The following DSCAM variants were observed in gnomAD, a reference collection of about 807,000 sequenced individuals.
DSCAM encodes the protein cell adhesion molecule DSCAM.
In DSCAM, 47 loss-of-function variants were observed where a neutral mutation model predicts 217.7. That is an observed-to-expected ratio of 0.22 (90% CI 0.17 to 0.28). The LOEUF (loss-of-function observed/expected upper bound fraction) is 0.28. DSCAM is among the 10% of genes least tolerant of loss of function. The probability of loss-of-function intolerance (pLI) is 1.00; values close to 1 mark genes in which losing one functional copy is unlikely to be tolerated. For missense variants in DSCAM, 2,080 were observed against 2,618.3 expected (o/e 0.79, Z 4.49); for synonymous variants, 1,056 against 1,015.3 (o/e 1.04, Z -0.76).
intron 9 of DSCAM, among the ~76,000 whole-genome samples, chr21:40,310,641 G>A (rs2074127500): frequency 1.3e-5 from 2 of 152,152 alleles, no homozygotes; most frequent in African/African-American, 2.4e-5. Context: ...AAGCATCCCC[G>A]TACATTTTTA....
chr21:40,055,376 G>A (rs1338557318), intron 29 of DSCAM, among the ~76,000 whole-genome samples: 1 of 152,174 alleles, frequency 6.6e-6, no homozygotes, highest in East Asian at 1.9e-4. Flanking sequence ...TTAGAGTGCA[G>A]GCCTTCTGGA....
chr21:40,608,144 C>G (rs972843447), intron 3 of DSCAM, among the ~76,000 whole-genome samples: 2 of 152,098 alleles, frequency 1.3e-5, no homozygotes, highest in Non-Finnish European at 2.9e-5. Flanking sequence ...ATACATAATC[C>G]TCATGAATTC....
In DSCAM at chr21:40,016,382, T is replaced by C. The variant is rs1244171653; in HGVS notation, c.5687-2996A>G. Among the ~76,000 whole-genome samples the C allele has an allele frequency of 1.3e-5, 2 of 152,146 alleles. No homozygotes were observed. Among genetic ancestry groups the C allele is most frequent in the African/African-American group, 4.8e-5 (2 of 41,430 alleles). On this transcript the variant is annotated intron_variant, in intron 32 of 32. Transcript: ENST00000400454. The surrounding 1 kb of genome is among the most constrained non-coding windows in gnomAD (Gnocchi z 4.3). The stretch of plus-strand genomic sequence containing the variant: ...AGGGTGTATAGGGGAAAGATCGTAC[T>C]TTGATGACAAAAGATGAAGGGTTTA...
chr21:40,272,859 T>G (rs766443728), intron 11 of DSCAM, among the ~76,000 whole-genome samples: 1 of 152,192 alleles, frequency 6.6e-6, no homozygotes, highest in African/African-American at 2.4e-5. Context: ...AACTCTCCTT[T>G]ATATCTATTT....
intron 19 of DSCAM, among the ~76,000 whole-genome samples, chr21:40,132,117 T>C (rs947414427): frequency 6.6e-6 from 1 of 152,180 alleles, no homozygotes; most frequent in African/African-American, 2.4e-5. Flanking sequence ...TGCCTAGCAA[T>C]GTAAAAAGGA....
chr21:40,739,650 C>G (rs2091101883), intron 1 of DSCAM, among the ~76,000 whole-genome samples: 1 of 152,162 alleles, frequency 6.6e-6, no homozygotes, highest in African/African-American at 2.4e-5. Context: ...ATCTCCAAAT[C>G]CAGTCACATC....
At chr21:40,657,218 G>C (rs916671508) in intron 3 of DSCAM, among the ~76,000 whole-genome samples, 2 of 152,128 alleles carry the variant, frequency 1.3e-5, no homozygotes, top group African/African-American at 4.8e-5. Context: ...ACATGACCTT[G>C]TGTGTGTTGA....
chr21:40,043,298 G>A (rs558210105), intron 31 of DSCAM, among the ~76,000 whole-genome samples: 8 of 152,260 alleles, frequency 5.3e-5, no homozygotes, highest in Middle Eastern at 3.4e-3. Flanking sequence ...AGATGTCTGC[G>A]TTTCAAATGC....
intron 3 of DSCAM, among the ~76,000 whole-genome samples, chr21:40,406,922 T>C (rs2075284249): frequency 6.6e-6 from 1 of 152,004 alleles, no homozygotes; most frequent in African/African-American, 2.4e-5. Flanking sequence ...CCCAGCCTCA[T>C]AGGTAGAATC....
intron 3 of DSCAM, among the ~76,000 whole-genome samples, chr21:40,555,608 T>G (rs1268333493): frequency 6.6e-6 from 1 of 152,150 alleles, no homozygotes; most frequent in Non-Finnish European, 1.5e-5. Context: ...GAACATTTTG[T>G]CAAATTTCAA....
At chr21:40,083,769 A>C in intron 24 of DSCAM, 139 bp downstream of exon 24, 1 of 533,006 alleles carries the variant, frequency 1.9e-6, no homozygotes, top group Non-Finnish European at 3.3e-6. Context: ...TTTCTTAGGT[A>C]ATGGAGGGAT....
intron 27 of DSCAM, among the ~76,000 whole-genome samples, chr21:40,071,598 T>A (rs1035739505): frequency 5.3e-5 from 8 of 152,250 alleles, no homozygotes; most frequent in Non-Finnish European, 1.0e-4. Context: ...GGGATCCCTA[T>A]AATATTTTTC....
At chr21:40,415,213 G>A (rs894665096) in intron 3 of DSCAM, among the ~76,000 whole-genome samples, 4 of 152,100 alleles carry the variant, frequency 2.6e-5, no homozygotes, top group African/African-American at 9.7e-5. Context: ...TTTAAATGTA[G>A]GATACATGAT....
intron 11 of DSCAM, among the ~76,000 whole-genome samples, chr21:40,226,114 C>A (rs546435821): frequency 2.6e-5 from 4 of 152,152 alleles, no homozygotes; most frequent in Non-Finnish European, 5.9e-5. Context: ...ATTGGAGAAA[C>A]TAAGGCTGGA....
intron 4 of DSCAM, among the ~76,000 whole-genome samples, chr21:40,359,503 T>C (rs1228949486): frequency 1.3e-5 from 2 of 152,238 alleles, no homozygotes; most frequent in Non-Finnish European, 2.9e-5. Flanking sequence ...GAAAACATGT[T>C]CACTCAAAGA....
chr21:40,562,096 G>A (rs2146186938), intron 3 of DSCAM, among the ~76,000 whole-genome samples: 1 of 152,230 alleles, frequency 6.6e-6, no homozygotes, highest in South Asian at 2.1e-4. Flanking sequence ...TTCTGTGTCT[G>A]CTCAACTAAC....
intron 11 of DSCAM, among the ~76,000 whole-genome samples, chr21:40,223,598 T>C (rs1174531524): frequency 1.3e-5 from 2 of 152,198 alleles, no homozygotes; most frequent in Non-Finnish European, 2.9e-5. Context: ...GAAACACACA[T>C]GCTCAGACAC....
At chr21:40,640,922 G>A (rs1005664428) in intron 3 of DSCAM, among the ~76,000 whole-genome samples, 4 of 152,168 alleles carry the variant, frequency 2.6e-5, no homozygotes, top group Admixed American at 6.5e-5. Flanking sequence ...GTTTTACACA[G>A]TACGTGAAAG....
At chr21:40,651,586 A>C (rs575975110) in intron 3 of DSCAM, among the ~76,000 whole-genome samples, 4 of 152,066 alleles carry the variant, frequency 2.6e-5, no homozygotes, top group Non-Finnish European at 5.9e-5. Context: ...TTCCCAACCT[A>C]AAGAGTGCTG....
Sources: gnomAD v4.1 joint callset for allele counts (sites outside exome capture counted in the v4.1 genomes callset) on GRCh38, gnomAD v4.1.1 for gene constraint, Gnocchi (gnomAD v3.1) non-coding constraint, MANE v1.5 for transcripts, NCBI Gene and HGNC (gene_info 2026-07-23, HGNC 2026-07-21) for gene names.